The following PLA2G6 variants were observed in gnomAD, a reference collection of about 807,000 sequenced individuals.
The protein encoded by PLA2G6 is phospholipase A2 group VI, also known as 85/88 kDa calcium-independent phospholipase A2.
Under a neutral mutation model 83.8 loss-of-function variants are expected in PLA2G6, and 62 were observed. That is an observed-to-expected ratio of 0.74 (90% CI 0.60 to 0.91). The LOEUF is 0.91. Among genes scored for constraint, PLA2G6 ranks in the 40% least tolerant of loss-of-function variants. The pLI is 0.00. For missense variants in PLA2G6, 944 were observed against 1,102.0 expected, an observed-to-expected ratio of 0.86 and a Z score of 2.03; for synonymous variants, 417 against 449.8, an observed-to-expected ratio of 0.93 and a Z score of 0.92.
chr22:38,135,923 A>G (rs2088524941), intron 5 of PLA2G6: 1 of 152,206 alleles, frequency 6.6e-6, no homozygotes, highest in African/African-American at 2.4e-5. Context: ...CAACAGACAA[A>G]AGGTGGAAAC....
chr22:38,157,613 T>C (rs1311439902), intron 2 of PLA2G6, among the ~76,000 whole-genome samples: 1 of 152,172 alleles, frequency 6.6e-6, no homozygotes, highest in Non-Finnish European at 1.5e-5. Flanking sequence ...ATGAGGCCAG[T>C]ATTGCCCTGA....
intron 5 of PLA2G6, chr22:38,138,691 A>G (rs1435442332): frequency 6.6e-6 from 1 of 151,954 alleles, no homozygotes; most frequent in East Asian, 1.9e-4. Context: ...TTTTCTTGAG[A>G]TGGAGTCTTG....
chr22:38,173,284 T>C lies in PLA2G6; in HGVS notation c.-45-3813A>G, dbSNP rs539670006. Among the ~76,000 whole-genome samples, 75 of 151,932 alleles carry C rather than the reference T, an allele frequency of 4.9e-4. 1 individual carries two copies. The highest frequency in any genetic ancestry group is 1.8e-3 in the African/African-American group (73 of 41,378). On this transcript the variant is annotated intron_variant, in intron 1 of 16. Coordinates refer to ENST00000332509, the MANE Select transcript of PLA2G6 (RefSeq NM_003560.4). Reference sequence around the variant, plus strand: ...TCCTACCCTTGACCTTCCCGTGGGGTAGACAATCACTTTTCCCCACTGATG... The same window carrying C: ...TCCTACCCTTGACCTTCCCGTGGGGCAGACAATCACTTTTCCCCACTGATG...
Position 38,111,743 on chromosome 22 carries a change from AG to A in PLA2G6, c.*417del. On this transcript the variant is annotated 3_prime_UTR_variant, in exon 17 of 17. Transcript: ENST00000332509. ...CCCCAGGGAACGGAGCAGAGGGCAGAGGGAGTGGGCTGCACCCACCAGGAAG... is the reference window on the plus strand; with the variant it reads ...CCCCAGGGAACGGAGCAGAGGGCAGAGGAGTGGGCTGCACCCACCAGGAAG... The A allele has an allele frequency of 6.5e-6, 2 of 308,442 alleles. No homozygotes were observed. The highest frequency in any genetic ancestry group is 1.3e-5 in the Non-Finnish European group (2 of 156,270). 19.1% of individuals were successfully genotyped at this position (308,442 alleles called of 1,614,324 possible).
chr22:38,179,272 G>A (rs1027767288), intron 1 of PLA2G6, among the ~76,000 whole-genome samples: 3 of 152,102 alleles, frequency 2.0e-5, no homozygotes, highest in African/African-American at 7.2e-5. Flanking sequence ...TGAGAGGAGA[G>A]GCCACTGCAA....
chr22:38,112,891 CTCT>C, intron 15 of PLA2G6: 1 of 278,734 alleles, frequency 3.6e-6, no homozygotes, highest in South Asian at 4.0e-5. Flanking sequence ...CCTCCCTCCT[CTCT>C]CTCTCTCTCT....
At chr22:38,143,026 C>A in intron 4 of PLA2G6, 79 bp downstream of exon 4, 1 of 1,352,774 alleles carries the variant, frequency 7.4e-7, no homozygotes, top group Non-Finnish European at 1.1e-6. Flanking sequence ...GAGAGTGACA[C>A]CTGAGCCTAG....
At chr22:38,146,756 G>C (rs1035569925) in intron 2 of PLA2G6, 2 of 149,804 alleles carry the variant, frequency 1.3e-5, no homozygotes, top group African/African-American at 4.9e-5. Context: ...TTAAAAAAAG[G>C]GAAACTTTTC....
chr22:38,179,196 C>T (rs1222622888), intron 1 of PLA2G6, among the ~76,000 whole-genome samples: 1 of 152,044 alleles, frequency 6.6e-6, no homozygotes, highest in Non-Finnish European at 1.5e-5. Context: ...ACATGTTTAG[C>T]GAGTTCCAGG....
intron 2 of PLA2G6, among the ~76,000 whole-genome samples, chr22:38,158,255 T>C (rs902848652): frequency 1.3e-5 from 2 of 150,422 alleles, no homozygotes; most frequent in East Asian, 2.0e-4. Flanking sequence ...CTGCAACCTC[T>C]GCCTCCCGGG....
At chr22:38,175,361 C>T (rs1260103352) in intron 1 of PLA2G6, among the ~76,000 whole-genome samples, 2 of 152,120 alleles carry the variant, frequency 1.3e-5, no homozygotes, top group African/African-American at 2.4e-5. Context: ...TGCAGGTCTC[C>T]CTGCTGACCC....
chr22:38,173,167 G>A (rs2090501939), intron 1 of PLA2G6, among the ~76,000 whole-genome samples: 1 of 152,144 alleles, frequency 6.6e-6, no homozygotes, highest in Non-Finnish European at 1.5e-5. Context: ...TGGAGCCTAG[G>A]CTCTTCCCAG....
chr22:38,169,569 C>G (rs1359773958), intron 1 of PLA2G6, 98 bp from the exon 2 acceptor site: 1 of 718,896 alleles, frequency 1.4e-6, no homozygotes, highest in Admixed American at 2.0e-5. Flanking sequence ...GATCACTCCC[C>G]ACCAGCGTTG....
chr22:38,115,134 C>CAG (rs1315705920), intron 14 of PLA2G6, among the ~76,000 whole-genome samples: 2 of 152,232 alleles, frequency 1.3e-5, no homozygotes, highest in Non-Finnish European at 2.9e-5. Context: ...GGCCTTTTAG[C>CAG]AGAGGCCTCA....
At position 38,115,588 on chromosome 22, in the gene PLA2G6, T is replaced by C. The variant is rs587784340; in HGVS notation, c.1973A>G (p.Asn658Ser). The C allele has an allele frequency of 3.1e-6, 5 of 1,613,432 alleles. No homozygotes were observed. In the East Asian group the frequency reaches 6.7e-5, roughly 22 times the overall value. The change falls in exon 14 of 17, where the codon AAC becomes AGC. Residue 658 changes from asparagine (N) to serine (S), a missense_variant. Coordinates refer to ENST00000332509, the MANE Select transcript of PLA2G6 (RefSeq NM_003560.4). ...GGTCATGGCATCCAGCGTGGGGTTG[T>C]TGGCCAGCAGCCCACCGTCCAGGAA... The part of the protein sequence containing the change: ...GRFLDGGLLA[N>S]NPTLDAMTEI...
At chr22:38,158,313 G>A (rs1013102837) in intron 2 of PLA2G6, among the ~76,000 whole-genome samples, 32 of 151,570 alleles carry the variant, frequency 2.1e-4, no homozygotes, top group African/African-American at 7.0e-4. Flanking sequence ...GTGACCACAG[G>A]TGCCCACCAC....
chr22:38,121,023 G>A (rs369917425), intron 11 of PLA2G6, 114 bp from the exon 12 acceptor site: 52 of 1,308,020 alleles, frequency 4.0e-5, no homozygotes, highest in Middle Eastern at 2.0e-4. Flanking sequence ...CGGGTTTACC[G>A]AGGCCTAAGC....
intron 10 of PLA2G6, among the ~76,000 whole-genome samples, chr22:38,125,894 C>T (rs766337444): frequency 5.3e-5 from 8 of 152,222 alleles, no homozygotes; most frequent in South Asian, 2.1e-4. Flanking sequence ...AAGGCCTGGG[C>T]GTCTTCTCTT....
intron 13 of PLA2G6, 133 bp from the exon 14 acceptor site, chr22:38,115,814 A>G (rs1424627838): frequency 6.8e-7 from 1 of 1,480,330 alleles, no homozygotes; most frequent in Non-Finnish European, 8.9e-7. Context: ...CTTCAGAAGC[A>G]GGACCCACGA....
Sources: allele counts gnomAD v4.1 joint callset (sites outside exome capture counted in the v4.1 genomes callset), GRCh38; gene constraint gnomAD v4.1.1; transcripts MANE v1.5; gene names NCBI Gene and HGNC (gene_info 2026-07-23, HGNC 2026-07-21).